Variants in ERC2 observed in about 807,000 individuals in gnomAD.
ERC2 encodes the protein ERC protein 2.
ERC2 carries 42 observed loss-of-function variants against 114.8 expected under a neutral mutation model. That is an observed-to-expected ratio of 0.37 (90% CI 0.29 to 0.47). The LOEUF (loss-of-function observed/expected upper bound fraction) is 0.47, where lower values mean the gene tolerates loss of function less well. ERC2 is among the 20% of genes least tolerant of loss of function. ERC2 has a pLI of 0.99. For synonymous variants in ERC2, 454 were observed against 425.5 expected, an observed-to-expected ratio of 1.07 and a Z score of -0.82; for missense variants, 939 against 1,150.7, an observed-to-expected ratio of 0.82 and a Z score of 2.66.
At chr3:56,333,698 A>AT (rs5849148) in intron 2 of ERC2, among the ~76,000 whole-genome samples, 3,652 of 150,378 alleles carry the variant, frequency 0.024, 45 homozygotes, top group South Asian at 0.074. Flanking sequence ...CCAAATGAAC[A>AT]TTTTTTTTTT....
At chr3:55,832,154 T>C (rs1389269151) in intron 14 of ERC2, among the ~76,000 whole-genome samples, 1 of 152,252 alleles carries the variant, frequency 6.6e-6, no homozygotes, top group Non-Finnish European at 1.5e-5. Flanking sequence ...TGCCTGCCTC[T>C]ATAGGCTCCA....
At chr3:55,824,160 A>T (rs1455116245) in intron 14 of ERC2, among the ~76,000 whole-genome samples, 2 of 152,128 alleles carry the variant, frequency 1.3e-5, no homozygotes, top group African/African-American at 4.8e-5. Flanking sequence ...TAAAGACCTA[A>T]CCTCTAAACA....
At chr3:56,169,808 T>TAA (rs762242569) in intron 4 of ERC2, among the ~76,000 whole-genome samples, 4,217 of 129,540 alleles carry the variant, frequency 0.033, 202 homozygotes, top group African/African-American at 0.1. Flanking sequence ...TTCATTTTCT[T>TAA]AAAAAAAAAA....
At chr3:55,983,729 A>G (rs552093877) in intron 12 of ERC2, among the ~76,000 whole-genome samples, 5 of 152,306 alleles carry the variant, frequency 3.3e-5, no homozygotes, top group Non-Finnish European at 7.4e-5. Flanking sequence ...CTATGGTAAG[A>G]AAGACTAGAT....
chr3:56,400,538 G>GT (rs1313430342), intron 2 of ERC2, among the ~76,000 whole-genome samples: 1 of 152,106 alleles, frequency 6.6e-6, no homozygotes, highest in Non-Finnish European at 1.5e-5. Flanking sequence ...CCAAAACCCT[G>GT]TGTGCTGAAT....
At chr3:56,172,912 G>A (rs2150023508) in intron 4 of ERC2, among the ~76,000 whole-genome samples, 1 of 152,194 alleles carries the variant, frequency 6.6e-6, no homozygotes. Flanking sequence ...CAGCTAAATA[G>A]GATACTTTGC....
At chr3:56,067,772 G>C (rs1389656994) in intron 7 of ERC2, among the ~76,000 whole-genome samples, 2 of 152,110 alleles carry the variant, frequency 1.3e-5, no homozygotes, top group African/African-American at 4.8e-5. Flanking sequence ...TTTATCAAAG[G>C]CCTTTTCTGC....
At chr3:55,596,447 C>T (rs1421415293) in intron 17 of ERC2, among the ~76,000 whole-genome samples, 1 of 152,080 alleles carries the variant, frequency 6.6e-6, no homozygotes, top group Non-Finnish European at 1.5e-5. Context: ...GGCATGGTGA[C>T]ATATGCCTGT....
intron 7 of ERC2, among the ~76,000 whole-genome samples, chr3:56,065,143 G>T (rs1360961434): frequency 6.6e-6 from 1 of 152,092 alleles, no homozygotes; most frequent in Non-Finnish European, 1.5e-5. Context: ...TGTAATAAAG[G>T]CTCATTTCCT....
intron 17 of ERC2, among the ~76,000 whole-genome samples, chr3:55,673,802 A>G (rs1318537795): frequency 9.2e-6 from 1 of 108,284 alleles, no homozygotes; most frequent in African/African-American, 3.6e-5. Context: ...TTTAATTACC[A>G]AGTTTTTTTT....
intron 17 of ERC2, among the ~76,000 whole-genome samples, chr3:55,598,969 C>G (rs904221178): frequency 6.6e-6 from 1 of 152,224 alleles, no homozygotes; most frequent in Non-Finnish European, 1.5e-5. Context: ...TCAGGCAGTA[C>G]AGATTTTCCC....
At chr3:56,218,703 C>A (rs891742940) in intron 3 of ERC2, among the ~76,000 whole-genome samples, 5 of 152,058 alleles carry the variant, frequency 3.3e-5, no homozygotes, top group Non-Finnish European at 7.4e-5. Context: ...AGGTTTATTG[C>A]GGCACTATTA....
At chr3:55,721,538 T>C (rs909580594) in intron 15 of ERC2, among the ~76,000 whole-genome samples, 3 of 152,236 alleles carry the variant, frequency 2.0e-5, no homozygotes, top group East Asian at 1.9e-4. Flanking sequence ...CTTCTCTCTT[T>C]TACTTTACAG....
intron 14 of ERC2, among the ~76,000 whole-genome samples, chr3:55,795,258 C>T (rs1435173519): frequency 6.6e-6 from 1 of 152,140 alleles, no homozygotes; most frequent in Non-Finnish European, 1.5e-5. Flanking sequence ...GCTCTGCATC[C>T]TGGATGGTAC....
intron 6 of ERC2, among the ~76,000 whole-genome samples, chr3:56,117,686 T>A (rs1171103006): frequency 1.3e-5 from 2 of 152,136 alleles, no homozygotes; most frequent in Non-Finnish European, 2.9e-5. Flanking sequence ...CAGTAAGCTG[T>A]TCAAAAGGAA....
intron 14 of ERC2, among the ~76,000 whole-genome samples, chr3:55,812,305 T>C (rs2059749048): frequency 6.6e-6 from 1 of 152,104 alleles, no homozygotes; most frequent in Non-Finnish European, 1.5e-5. Context: ...AAAAGTATAA[T>C]AGAAGAAGGG....
chr3:56,250,716 A>T (rs905771367), intron 3 of ERC2, among the ~76,000 whole-genome samples: 1 of 152,222 alleles, frequency 6.6e-6, no homozygotes, highest in African/African-American at 2.4e-5. Flanking sequence ...TCTAATAGGT[A>T]AACATCCGTC....
At chr3:56,419,665 A>G (rs1438875878) in intron 2 of ERC2, among the ~76,000 whole-genome samples, 1 of 152,238 alleles carries the variant, frequency 6.6e-6, no homozygotes, top group African/African-American at 2.4e-5. Context: ...TTCACTAATC[A>G]CTGGGAACTA....
At chr3:55,888,898 C>A (rs1372508863) in intron 13 of ERC2, among the ~76,000 whole-genome samples, 1 of 152,100 alleles carries the variant, frequency 6.6e-6, no homozygotes. Flanking sequence ...CCTGTTCCCC[C>A]AAAACCTATG....
Sources: allele counts gnomAD v4.1 joint callset (sites outside exome capture counted in the v4.1 genomes callset), GRCh38; gene constraint gnomAD v4.1.1; transcripts MANE v1.5; gene names NCBI Gene and HGNC (gene_info 2026-07-23, HGNC 2026-07-21).